CCDC91: variants seen among roughly 807,000 people sequenced by gnomAD.
CCDC91 encodes coiled-coil domain-containing protein 91.
A neutral mutation model predicts 63.2 loss-of-function variants in CCDC91; 48 were observed. The observed-to-expected ratio is 0.76, with a 90% CI of 0.60 to 0.97. CCDC91 has a LOEUF of 0.97. Among genes scored for constraint, CCDC91 ranks in the 50% least tolerant of loss-of-function variants. The probability of loss-of-function intolerance (pLI) is 0.00; values close to 1 mark genes in which losing one functional copy is unlikely to be tolerated. For missense variants in CCDC91, 500 were observed against 494.6 expected, an observed-to-expected ratio of 1.01 and a Z score of -0.10; for synonymous variants, 167 against 165.8, an observed-to-expected ratio of 1.01 and a Z score of -0.06.
Position 28,239,914 on chromosome 12 carries a change from G to A in CCDC91, c.-14-17288G>A, listed in dbSNP as rs868175979. Reference sequence around the variant, plus strand: ...TTTTTATCTTGTTTTGACAAATCTGGAGAACAGTGTTGCTCAAATATTAGC... The same window carrying A: ...TTTTTATCTTGTTTTGACAAATCTGAAGAACAGTGTTGCTCAAATATTAGC... On this transcript the variant is annotated intron_variant, in intron 1 of 12. Transcript: ENST00000536442. Among the ~76,000 whole-genome samples the A allele has an allele frequency of 1.9e-4, 29 of 152,250 alleles. 1 individual carries two copies. The highest frequency in any genetic ancestry group is 3.4e-3 in the Middle Eastern group (1 of 294).
intron 3 of CCDC91, among the ~76,000 whole-genome samples, chr12:28,266,756 T>G (rs986684623): frequency 6.6e-6 from 1 of 151,928 alleles, no homozygotes; most frequent in African/African-American, 2.4e-5. Context: ...GTAAAATAGT[T>G]TGAAAATAGT....
intron 7 of CCDC91, among the ~76,000 whole-genome samples, chr12:28,363,189 T>C (rs1944016483): frequency 6.6e-6 from 1 of 152,106 alleles, no homozygotes; most frequent in Non-Finnish European, 1.5e-5. Context: ...AGTTCCATTG[T>C]ATATTCTTCT....
intron 3 of CCDC91, among the ~76,000 whole-genome samples, chr12:28,283,107 T>C (rs1397575631): frequency 6.6e-6 from 1 of 152,158 alleles, no homozygotes; most frequent in East Asian, 1.9e-4. Context: ...TTTTGGTTAC[T>C]ATAGCCTTGT....
intron 12 of CCDC91, among the ~76,000 whole-genome samples, chr12:28,517,227 T>TAC (rs2141363587): frequency 6.6e-6 from 1 of 152,070 alleles, no homozygotes; most frequent in East Asian, 1.9e-4. Flanking sequence ...TCCCAAATGT[T>TAC]TAGTTTGGCA....
chr12:28,298,114 A>G (rs1191620541), intron 3 of CCDC91, among the ~76,000 whole-genome samples: 1 of 122,484 alleles, frequency 8.2e-6, no homozygotes, highest in African/African-American at 2.8e-5. Flanking sequence ...TCTTTCACAG[A>G]TGCTATTCAT....
intron 7 of CCDC91, among the ~76,000 whole-genome samples, chr12:28,388,931 C>T (rs572634513): frequency 6.6e-6 from 1 of 152,220 alleles, no homozygotes; most frequent in African/African-American, 2.4e-5. Context: ...AGAAACCCTT[C>T]TAGGCATTGG....
At chr12:28,478,006 T>C (rs951271710) in intron 11 of CCDC91, among the ~76,000 whole-genome samples, 1 of 152,026 alleles carries the variant, frequency 6.6e-6, no homozygotes, top group African/African-American at 2.4e-5. Flanking sequence ...TGGATAGGAA[T>C]AATCAATATC....
intron 6 of CCDC91, among the ~76,000 whole-genome samples, chr12:28,323,743 A>C (rs1940735672): frequency 6.6e-6 from 1 of 151,938 alleles, no homozygotes; most frequent in Admixed American, 6.6e-5. Flanking sequence ...TTAGACTCAG[A>C]ATATAAATAG....
intron 6 of CCDC91, among the ~76,000 whole-genome samples, chr12:28,338,158 G>T (rs1942131009): frequency 6.6e-6 from 1 of 151,956 alleles, no homozygotes; most frequent in Admixed American, 6.6e-5. Context: ...GAAAATGGTA[G>T]GATATGGTCT....
chr12:28,203,471 G>T (rs1942615054), intron 1 of CCDC91, among the ~76,000 whole-genome samples: 1 of 152,050 alleles, frequency 6.6e-6, no homozygotes, highest in Non-Finnish European at 1.5e-5. Flanking sequence ...ATCATCTGTG[G>T]TATACAGCTG....
chr12:28,334,013 G>A (rs538812494), intron 6 of CCDC91, among the ~76,000 whole-genome samples: 322 of 151,682 alleles, frequency 2.1e-3, no homozygotes, highest in Non-Finnish European at 3.5e-3. Flanking sequence ...CTTTTATTTG[G>A]AATTGAAACG....
chr12:28,269,973 CATTA>C (rs1947633511), intron 3 of CCDC91, among the ~76,000 whole-genome samples: 2 of 151,778 alleles, frequency 1.3e-5, no homozygotes, highest in South Asian at 2.1e-4. Context: ...AGCTAGTATG[CATTA>C]ATTTTTTTCC....
intron 12 of CCDC91, among the ~76,000 whole-genome samples, chr12:28,504,953 A>G (rs937077365): frequency 6.6e-6 from 1 of 151,986 alleles, no homozygotes; most frequent in Non-Finnish European, 1.5e-5. Context: ...CACTTACAGA[A>G]AAACCTAAAC....
intron 8 of CCDC91, 55 bp downstream of exon 8, chr12:28,391,466 CT>C: frequency 9.7e-7 from 1 of 1,034,886 alleles, no homozygotes; most frequent in South Asian, 1.3e-5. Flanking sequence ...ACTCTCTCCC[CT>C]GAGAGCTCTA....
At chr12:28,275,196 A>G (rs1034635641) in intron 3 of CCDC91, among the ~76,000 whole-genome samples, 4 of 152,142 alleles carry the variant, frequency 2.6e-5, no homozygotes, top group African/African-American at 7.2e-5. Context: ...TTTTTTGAAA[A>G]GATCAACAAA....
At chr12:28,246,987 G>A (rs1295950674) in intron 1 of CCDC91, among the ~76,000 whole-genome samples, 1 of 152,206 alleles carries the variant, frequency 6.6e-6, no homozygotes, top group East Asian at 1.9e-4. Flanking sequence ...GAGTATCTTA[G>A]AGTGTAATAC....
At chr12:28,320,746 T>A (rs1940412323) in intron 6 of CCDC91, among the ~76,000 whole-genome samples, 1 of 151,904 alleles carries the variant, frequency 6.6e-6, no homozygotes, top group Non-Finnish European at 1.5e-5. Flanking sequence ...CAGAAAAGCA[T>A]GTTGAAGGAG....
chr12:28,521,096 C>T (rs1940597788), intron 12 of CCDC91, among the ~76,000 whole-genome samples: 3 of 152,052 alleles, frequency 2.0e-5, no homozygotes, highest in South Asian at 2.1e-4. Context: ...TAGTTTTTTC[C>T]AATTCTGTGA....
chr12:28,465,487 AT>A (rs1319108787), intron 11 of CCDC91, among the ~76,000 whole-genome samples: 2 of 152,168 alleles, frequency 1.3e-5, no homozygotes, highest in Non-Finnish European at 2.9e-5. Context: ...GAAAAACTTC[AT>A]TTGTTTGGGA....
Sources: allele counts gnomAD v4.1 joint callset (sites outside exome capture counted in the v4.1 genomes callset), GRCh38; gene constraint gnomAD v4.1.1; transcripts MANE v1.5; gene names NCBI Gene and HGNC (gene_info 2026-07-23, HGNC 2026-07-21).